Variants in FAM98C observed in about 807,000 individuals in gnomAD.
FAM98C encodes protein FAM98C.
FAM98C carries 38 observed loss-of-function variants against 41.1 expected under a neutral mutation model. The ratio of observed to expected loss-of-function variants is 0.92; its 90% CI spans 0.71 to 1.21. FAM98C has a LOEUF of 1.21. FAM98C is among the 50% of genes most tolerant of loss of function. The pLI, the probability that FAM98C is intolerant of heterozygous loss-of-function variation, is 0.00. For missense variants in FAM98C, 493 were observed against 484.7 expected, an observed-to-expected ratio of 1.02 and a Z score of -0.16; for synonymous variants, 195 against 216.7, an observed-to-expected ratio of 0.90 and a Z score of 0.88.
At chr19:38,405,724 C>T in intron 6 of FAM98C, 89 bp downstream of exon 6, 3 of 1,246,992 alleles carry the variant, frequency 2.4e-6, no homozygotes, top group Non-Finnish European at 3.5e-6. Flanking sequence ...CCAGGAGTAT[C>T]ACCCTCTTGC....
At chr19:38,406,770 G>A (rs987045781) in intron 6 of FAM98C, 140 bp from the exon 7 acceptor site, 10 of 901,412 alleles carry the variant, frequency 1.1e-5, no homozygotes, top group South Asian at 1.7e-5. Context: ...GGGTGACAGC[G>A]AGACCCTGTC....
intron 3 of FAM98C, among the ~76,000 whole-genome samples, chr19:38,404,387 G>A (rs2145174088): frequency 6.6e-6 from 1 of 152,030 alleles, no homozygotes; most frequent in South Asian, 2.1e-4. Context: ...TTTAAGTGGA[G>A]GTGGGGTCTC....
In FAM98C at chr19:38,405,453, C is replaced by T. The variant is rs774787024; in HGVS notation, c.633+32C>T. The T allele has an allele frequency of 4.4e-5, 71 of 1,614,080 alleles. No homozygotes were observed. In the East Asian group the frequency reaches 1.4e-3, roughly 32 times the overall value. On this transcript the variant is annotated intron_variant, in intron 5 of 7. Transcript: ENST00000252530. The stretch of plus-strand genomic sequence containing the variant: ...CTGTGTGCGACTGACTGAATGTGAA[C>T]TGTGTCCTCATCAGAGGTGGCAGTG...
intron 7 of FAM98C, 90 bp downstream of exon 7, chr19:38,407,167 C>A: frequency 6.9e-7 from 1 of 1,457,472 alleles, no homozygotes; most frequent in Non-Finnish European, 9.4e-7. Context: ...TCAGACTTAC[C>A]ACCTCTAATC....
Position 38,405,428 on chromosome 19 carries a change from CTG to C in FAM98C, c.633+12_633+13del, listed in dbSNP as rs774524855. ...GCTAGATGCACCCAGATGGGTAAGA[CTG>C]TGTGCGACTGACTGAATGTGAACTG... is the stretch of plus-strand genomic sequence containing the variant. On this transcript the variant is annotated splice_region_variant and intron_variant, in intron 5 of 7. Transcript: ENST00000252530. 5 of 1,614,116 alleles carry C rather than the reference CTG, an allele frequency of 3.1e-6. No homozygotes were observed. The highest frequency in any genetic ancestry group is 1.7e-5 in the Admixed American group (1 of 60,026).
intron 7 of FAM98C, 26 bp from the exon 8 acceptor site, chr19:38,408,725 G>T (rs778992113): frequency 6.2e-7 from 1 of 1,613,688 alleles, no homozygotes; most frequent in South Asian, 1.1e-5. Context: ...TTTTTTCTCT[G>T]CAACTCAAAT....
At chr19:38,405,276 G>A in intron 4 of FAM98C, 68 bp from the exon 5 acceptor site, 6 of 1,569,124 alleles carry the variant, frequency 3.8e-6, no homozygotes, top group Non-Finnish European at 5.2e-6. Context: ...CAGGGGTGTG[G>A]GGAGCTGAGT....
chr19:38,407,927 G>C (rs1194575532), intron 7 of FAM98C: 1 of 152,112 alleles, frequency 6.6e-6, no homozygotes, highest in Non-Finnish European at 1.5e-5. Flanking sequence ...GGCGGAGCTT[G>C]CAGTGAGCCA....
In FAM98C at chr19:38,403,614, T is replaced by A. The variant is rs1217117649; in HGVS notation, c.269T>A (p.Leu90Gln). ...LRQLGSLLRELHCPDRALCGG... is the reference protein window; with the variant it reads ...LRQLGSLLREQHCPDRALCGG... ...CAGCTCGGCAGCCTGCTGCGGGAGC[T>A]GCACTGCCCGGATCGCGCGCTCTGC... is the stretch of plus-strand genomic sequence containing the variant. Residue 90 changes from leucine (L) to glutamine (Q), a missense_variant, in exon 3 of 8, where the codon CTG becomes CAG. By Grantham distance (113) the Leu-to-Gln change is moderately radical (BLOSUM62 -2). Coordinates refer to ENST00000252530, the MANE Select transcript of FAM98C (RefSeq NM_174905.4). 1 of 1,469,254 alleles carries A rather than the reference T, an allele frequency of 6.8e-7. No individual in the cohort carries two copies. The highest frequency in any genetic ancestry group is 8.9e-7 in the Non-Finnish European group (1 of 1,122,340). The allele number at this position is 1,469,254 out of a possible 1,614,324, so 91.0% of individuals were successfully genotyped here.
At chr19:38,408,622 C>T in intron 7 of FAM98C, 129 bp from the exon 8 acceptor site, 1 of 1,228,532 alleles carries the variant, frequency 8.1e-7, no homozygotes, top group Non-Finnish European at 1.2e-6. Flanking sequence ...TCCCCCCTCC[C>T]CCAGCCACTG....
chr19:38,406,756 G>T, intron 6 of FAM98C, 154 bp from the exon 7 acceptor site: 1 of 780,564 alleles, frequency 1.3e-6, no homozygotes, highest in South Asian at 1.8e-5. Context: ...CCACACTCCA[G>T]GCTGGGTGAC....
chr19:38,404,398 C>T (rs1388904560), intron 3 of FAM98C, among the ~76,000 whole-genome samples: 1 of 151,594 alleles, frequency 6.6e-6, no homozygotes, highest in Non-Finnish European at 1.5e-5. Context: ...GTGGGGTCTC[C>T]CTATGTTGCC....
intron 3 of FAM98C, chr19:38,404,634 G>A: frequency 8.1e-6 from 3 of 371,258 alleles, no homozygotes; most frequent in South Asian, 7.2e-5. Flanking sequence ...TGGTTCAAGC[G>A]ATTTTCCTGC....
At position 38,405,405 on chromosome 19, in the gene FAM98C, T is replaced by C; in HGVS notation, c.617T>C (p.Leu206Pro). 1 of 1,614,158 alleles carries C rather than the reference T, an allele frequency of 6.2e-7. No individual in the cohort carries two copies. The highest frequency in any genetic ancestry group is 8.5e-7 in the Non-Finnish European group (1 of 1,180,022). Residue 206 changes from leucine (L) to proline (P), a missense_variant, in exon 5 of 8, where the codon CTA becomes CCA. Transcript: ENST00000252530. ...CTGCAGCCCCTCCTCAGCTGCTCGC[T>C]AGATGCACCCAGATGGGTAAGACTG... ...GSLQPLLSCSLDAPRWEALES... is the reference protein window; with the variant it reads ...GSLQPLLSCSPDAPRWEALES...
At position 38,407,356 on chromosome 19, in the gene FAM98C, C is replaced by T. The variant is rs1298807682; in HGVS notation, c.918+279C>T. ...AATCCTTCCCTATCACCAAACACTA[C>T]CTATTTGTTGTTTTTTAACCTTTTT... On this transcript the variant is annotated intron_variant, in intron 7 of 7. Coordinates refer to ENST00000252530, the MANE Select transcript of FAM98C (RefSeq NM_174905.4). 8.3e-5 allele frequency: 34 copies of T among 411,922 alleles called. No individual in the cohort carries two copies. In the East Asian group the frequency reaches 1.1e-3, roughly 14 times the overall value. 25.5% of individuals were successfully genotyped at this position (411,922 alleles called of 1,614,324 possible).
At chr19:38,405,879 A>C in intron 6 of FAM98C, 2 of 435,308 alleles carry the variant, frequency 4.6e-6, no homozygotes, top group Non-Finnish European at 4.1e-6. Context: ...TTTTTTTGAG[A>C]CGGGGTCTCA....
Position 38,403,548 on chromosome 19 carries a change from C to G in FAM98C, c.215-12C>G, listed in dbSNP as rs774443535. The G allele has an allele frequency of 1.3e-6, 2 of 1,487,226 alleles. No homozygotes were observed. The highest frequency in any genetic ancestry group is 2.6e-5 in the South Asian group (2 of 78,346). 92.1% of individuals were successfully genotyped at this position (1,487,226 alleles called of 1,614,324 possible). A position where few individuals can be genotyped will look rare whatever the true frequency, so the allele number is the denominator to read the frequency against. ...ACGGGGCCACCGAGCCCTGACACCCCTGTCCTCGCAGGCCCTGGCGCGGAG... is the reference window on the plus strand; with the variant it reads ...ACGGGGCCACCGAGCCCTGACACCCGTGTCCTCGCAGGCCCTGGCGCGGAG... On this transcript the variant is annotated splice_polypyrimidine_tract_variant and intron_variant, in intron 2 of 7. Transcript: ENST00000252530.
At chr19:38,408,682 C>T (rs1468798472) in intron 7 of FAM98C, 69 bp from the exon 8 acceptor site, 1 of 1,605,634 alleles carries the variant, frequency 6.2e-7, no homozygotes, top group Non-Finnish European at 8.5e-7. Context: ...CATGCTGTTC[C>T]CTTCGCTCTC....
chr19:38,407,405 C>T (rs1216779996), intron 7 of FAM98C: 7 of 240,398 alleles, frequency 2.9e-5, no homozygotes, highest in Non-Finnish European at 5.1e-5. Flanking sequence ...GAGTCTTGCT[C>T]TGTCACCCAG....
Sources: allele counts gnomAD v4.1 joint callset (sites outside exome capture counted in the v4.1 genomes callset), GRCh38; gene constraint gnomAD v4.1.1; transcripts MANE v1.5; gene names NCBI Gene and HGNC (gene_info 2026-07-23, HGNC 2026-07-21).